The following ESRRG variants were observed in gnomAD, a reference collection of about 807,000 sequenced individuals.
ESRRG encodes estrogen related receptor gamma.
ESRRG carries 13 observed loss-of-function variants against 44.0 expected under a neutral mutation model. The observed-to-expected ratio is 0.30, with a 90% confidence interval of 0.19 to 0.47. The LOEUF is 0.47. Ranked by LOEUF, ESRRG falls within the 20% of genes least tolerant of loss-of-function variation. The pLI is 1.00. For synonymous variants in ESRRG, 215 were observed against 214.6 expected, an observed-to-expected ratio of 1.00 and a Z score of -0.02; for missense variants, 395 against 580.6, an observed-to-expected ratio of 0.68 and a Z score of 3.29.
intron 3 of ESRRG, among the ~76,000 whole-genome samples, chr1:216,612,817 G>A (rs1275992026): frequency 6.6e-6 from 1 of 152,208 alleles, no homozygotes; most frequent in Non-Finnish European, 1.5e-5. Context: ...TTAATAAATG[G>A]AAGTGGCAGA....
At chr1:216,898,251 A>C (rs1231267467) in intron 2 of ESRRG, among the ~76,000 whole-genome samples, 1 of 152,198 alleles carries the variant, frequency 6.6e-6, no homozygotes, top group Non-Finnish European at 1.5e-5. Context: ...GATTTAAGGA[A>C]TCATTAAGAT....
chr1:216,610,356 A>T (rs2150301140), intron 3 of ESRRG, among the ~76,000 whole-genome samples: 1 of 152,282 alleles, frequency 6.6e-6, no homozygotes, highest in South Asian at 2.1e-4. Context: ...ATCCCTGCCT[A>T]ATTTCCCCAT....
intron 3 of ESRRG, among the ~76,000 whole-genome samples, chr1:216,604,007 C>T (rs1373100478): frequency 6.7e-6 from 1 of 149,828 alleles, no homozygotes; most frequent in African/African-American, 2.5e-5. Flanking sequence ...CCTAGTCACA[C>T]ATTCTAGCAT....
At chr1:217,039,523 A>T (rs1294259223) in intron 1 of ESRRG, among the ~76,000 whole-genome samples, 1 of 152,132 alleles carries the variant, frequency 6.6e-6, no homozygotes, top group Non-Finnish European at 1.5e-5. Flanking sequence ...CCCATTTTCA[A>T]AACCATCAGC....
chr1:216,556,136 C>T (rs1019338008), intron 5 of ESRRG, among the ~76,000 whole-genome samples: 3 of 151,966 alleles, frequency 2.0e-5, no homozygotes, highest in Non-Finnish European at 4.4e-5. Context: ...CACAAAACCA[C>T]GAGGCTTTCT....
At position 216,519,406 on chromosome 1, in the gene ESRRG, G is replaced by C. The variant is rs2045372480; in HGVS notation, c.878C>G (p.Ser293Cys). 6.2e-7 allele frequency: 1 copy of C among 1,610,746 alleles called. No homozygotes were observed. Among genetic ancestry groups the C allele is most frequent in the African/African-American group, 1.3e-5 (1 of 74,800 alleles). ...CAGAAGGCTCATCTGGTCCGCCAGG[G>C]ACAGCGTGGAGAAGCCTGCATGGAA... ...AKHIPGFSTL[S>C]LADQMSLLQS... Residue 293 changes from serine to cysteine, a missense_variant, in exon 6 of 7, where the codon TCC becomes TGC. Physicochemically the swap from Ser to Cys is moderately radical, Grantham distance 112. This residue lies in a region of ESRRG where 167 missense variants were observed against 251.8 expected (regional missense o/e 0.66). Coordinates refer to ENST00000408911, the MANE Select transcript of ESRRG (RefSeq NM_001438.4).
intron 1 of ESRRG, among the ~76,000 whole-genome samples, chr1:217,131,117 C>T (rs1056456665): frequency 7.2e-5 from 11 of 152,062 alleles, no homozygotes; most frequent in African/African-American, 2.7e-4. Context: ...AAGAAGTATG[C>T]TAAAGTTAAA....
At chr1:217,036,841 G>A (rs114656088) in intron 1 of ESRRG, among the ~76,000 whole-genome samples, 1 of 148,956 alleles carries the variant, frequency 6.7e-6, no homozygotes. Context: ...AGAAAGAAAA[G>A]AAAAAAAAAA....
chr1:216,874,034 G>C (rs1194264610), intron 2 of ESRRG, among the ~76,000 whole-genome samples: 1 of 146,152 alleles, frequency 6.8e-6, no homozygotes, highest in Non-Finnish European at 1.5e-5. Context: ...GAGTGGGGAG[G>C]GAGAGAGGTG....
At chr1:216,563,612 A>G (rs544897485) in intron 5 of ESRRG, among the ~76,000 whole-genome samples, 3 of 152,336 alleles carry the variant, frequency 2.0e-5, no homozygotes, top group Non-Finnish European at 2.9e-5. Flanking sequence ...AAGCATGTAC[A>G]TATTTGTTCA....
intron 1 of ESRRG, among the ~76,000 whole-genome samples, chr1:217,097,558 G>C (rs140638575): frequency 1.8e-4 from 27 of 152,240 alleles, no homozygotes; most frequent in African/African-American, 6.3e-4. Flanking sequence ...CGAATGTCCT[G>C]TTTTCAAATT....
chr1:217,028,795 G>A (rs577797299), intron 1 of ESRRG, among the ~76,000 whole-genome samples: 1 of 152,250 alleles, frequency 6.6e-6, no homozygotes, highest in African/African-American at 2.4e-5. Context: ...AGAATTCATT[G>A]ATGGCTCTGT....
chr1:216,779,644 G>C (rs1373735833), intron 2 of ESRRG, among the ~76,000 whole-genome samples: 1 of 139,510 alleles, frequency 7.2e-6, no homozygotes, highest in Non-Finnish European at 1.5e-5. Context: ...AAAAGTACTG[G>C]TTACAGTCTT....
At chr1:217,030,319 C>A (rs1189845974) in intron 1 of ESRRG, among the ~76,000 whole-genome samples, 2 of 152,156 alleles carry the variant, frequency 1.3e-5, no homozygotes, top group Non-Finnish European at 2.9e-5. Flanking sequence ...TAGAACCAGA[C>A]ACTGAGCCAC....
chr1:216,682,596 T>C (rs147459664), intron 1 of ESRRG, among the ~76,000 whole-genome samples: 1 of 152,224 alleles, frequency 6.6e-6, no homozygotes, highest in East Asian at 1.9e-4. Context: ...TCACTACTGA[T>C]TCAAAACAAA....
rs185340327 is a variant in ESRRG, at chr1:216,903,137, G to A, written c.-14+36445C>T. 5.6e-4 allele frequency among the ~76,000 whole-genome samples: 85 copies of A among 152,164 alleles called. 1 individual carries two copies. Among genetic ancestry groups the A allele is most frequent in the South Asian group, 4.6e-3 (22 of 4,826 alleles). ...AGCTTTGCAAAACATACCTGGAATC[G>A]TGTACACTGTTATTCTCTTAGTCTT... On this transcript the variant is annotated intron_variant, in intron 2 of 7. Transcript: ENST00000359162.
At chr1:216,896,339 A>C (rs1317803044) in intron 2 of ESRRG, among the ~76,000 whole-genome samples, 1 of 152,150 alleles carries the variant, frequency 6.6e-6, no homozygotes, top group African/African-American at 2.4e-5. Flanking sequence ...AAAAACACAA[A>C]CATAAAAGCA....
At chr1:216,834,975 G>A (rs529111693) in intron 2 of ESRRG, among the ~76,000 whole-genome samples, 3 of 152,080 alleles carry the variant, frequency 2.0e-5, no homozygotes, top group Admixed American at 2.0e-4. Context: ...GATTACAAGC[G>A]GTTAAAAAAT....
chr1:217,125,134 A>T (rs1169138767), intron 1 of ESRRG, among the ~76,000 whole-genome samples: 1 of 152,134 alleles, frequency 6.6e-6, no homozygotes, highest in Non-Finnish European at 1.5e-5. Flanking sequence ...TTGCTAGGTT[A>T]TCAGAACAAT....
Sources: allele counts gnomAD v4.1 joint callset (sites outside exome capture counted in the v4.1 genomes callset), GRCh38; gene constraint gnomAD v4.1.1; regional missense constraint gnomAD v4.1.1; transcripts MANE v1.5; gene names NCBI Gene and HGNC (gene_info 2026-07-23, HGNC 2026-07-21).